Variants in CLASP1 observed in about 807,000 individuals in gnomAD.
CLASP1 encodes CLIP-associating protein 1.
In CLASP1, 38 loss-of-function variants were observed where a neutral mutation model predicts 192.3. That is an observed-to-expected ratio of 0.20 (90% CI 0.15 to 0.26). CLASP1 has a LOEUF of 0.26. CLASP1 is among the 10% of genes least tolerant of loss of function. CLASP1 has a pLI of 1.00. For synonymous variants in CLASP1, 691 were observed against 712.8 expected (o/e 0.97, Z 0.49); for missense variants, 1,433 against 1,932.5 (o/e 0.74, Z 4.85).
Position 121,435,336 on chromosome 2 carries a change from G to A in CLASP1, c.1913-5159C>T, listed in dbSNP as rs531061252. On this transcript the variant is annotated intron_variant, in intron 19 of 39. Coordinates refer to ENST00000263710, the Ensembl canonical transcript of CLASP1. ...GTTGCCCAGGCTGGAGTTCAATGGC[G>A]CAATCTGGGCTCACTGCAACCTCTG... 2.1e-3 allele frequency among the ~76,000 whole-genome samples: 318 copies of A among 152,094 alleles called. 1 individual carries two copies. The highest frequency in any genetic ancestry group is 7.2e-3 in the African/African-American group (298 of 41,488).
At chr2:121,621,780 G>A (rs1303140630) in intron 1 of CLASP1, among the ~76,000 whole-genome samples, 1 of 152,030 alleles carries the variant, frequency 6.6e-6, no homozygotes, top group Non-Finnish European at 1.5e-5. Context: ...TGGGTCCCTT[G>A]CATTTCTACA....
intron 37 of CLASP1, among the ~76,000 whole-genome samples, chr2:121,357,185 G>A (rs1192830016): frequency 1.3e-5 from 2 of 152,188 alleles, no homozygotes; most frequent in Non-Finnish European, 2.9e-5. Flanking sequence ...TGGTGTTTTA[G>A]AGTTTACTCA....
intron 2 of CLASP1, among the ~76,000 whole-genome samples, chr2:121,570,974 A>G (rs769834448): frequency 1.3e-5 from 2 of 151,948 alleles, no homozygotes; most frequent in African/African-American, 4.8e-5. Context: ...TTCCTGCCTT[A>G]CAGAACCATG....
intron 8 of CLASP1, among the ~76,000 whole-genome samples, chr2:121,500,424 A>G (rs1180836820): frequency 6.6e-6 from 1 of 151,622 alleles, no homozygotes; most frequent in Non-Finnish European, 1.5e-5. Context: ...AAAAAAAAGA[A>G]AAGAGAAAAG....
chr2:121,367,713 C>T (rs775228149), exon 35 of CLASP1: 213 of 1,613,854 alleles, frequency 1.3e-4, no homozygotes, highest in Non-Finnish European at 1.7e-4. Context: ...CGGGAAGGCG[C>T]GCGGAGGCTG....
At chr2:121,349,036 C>T (rs1020292545) in intron 37 of CLASP1, among the ~76,000 whole-genome samples, 4 of 151,992 alleles carry the variant, frequency 2.6e-5, no homozygotes, top group Admixed American at 2.0e-4. Context: ...GTCAGGAGAT[C>T]GAGACCATCC....
intron 24 of CLASP1, among the ~76,000 whole-genome samples, chr2:121,409,625 T>C (rs527876614): frequency 3.3e-5 from 5 of 152,326 alleles, no homozygotes; most frequent in Non-Finnish European, 5.9e-5. Flanking sequence ...GAAATTTCCC[T>C]GCCTTAAGTG....
intron 2 of CLASP1, among the ~76,000 whole-genome samples, chr2:121,588,699 CA>C (rs1437557854): frequency 1.3e-5 from 2 of 152,150 alleles, no homozygotes; most frequent in Non-Finnish European, 2.9e-5. Flanking sequence ...AGCTGTGATA[CA>C]AACCCTAACC....
chr2:121,589,108 AAC>A (rs1174600864), intron 2 of CLASP1, among the ~76,000 whole-genome samples: 1 of 152,166 alleles, frequency 6.6e-6, no homozygotes, highest in Non-Finnish European at 1.5e-5. Context: ...GGCAGACAGA[AAC>A]ACAGTTCTCG....
intron 32 of CLASP1, 97 bp from the exon 34 acceptor site, chr2:121,382,421 C>CT (rs1191546260): frequency 4.7e-5 from 33 of 706,356 alleles, no homozygotes; most frequent in Admixed American, 9.9e-5. Context: ...TTAGTCTCTT[C>CT]TTTCCTTGAC....
At chr2:121,453,349 C>G (rs1411478123) in intron 14 of CLASP1, among the ~76,000 whole-genome samples, 1 of 152,086 alleles carries the variant, frequency 6.6e-6, no homozygotes, top group Non-Finnish European at 1.5e-5. Flanking sequence ...ATGCTAGATG[C>G]TGGAGATCCA....
intron 2 of CLASP1, among the ~76,000 whole-genome samples, chr2:121,539,686 A>G (rs2095185168): frequency 6.7e-6 from 1 of 148,744 alleles, no homozygotes; most frequent in Non-Finnish European, 1.5e-5. Flanking sequence ...AGAAAGTGAA[A>G]GTCAAGTCAC....
At chr2:121,633,041 T>A (rs1002191593) in intron 1 of CLASP1, among the ~76,000 whole-genome samples, 4 of 147,466 alleles carry the variant, frequency 2.7e-5, no homozygotes, top group Non-Finnish European at 1.5e-5. Context: ...CTTTTTTTCA[T>A]GAATATAATT....
At chr2:121,391,111 C>A (rs2074267203) in intron 30 of CLASP1, among the ~76,000 whole-genome samples, 1 of 152,166 alleles carries the variant, frequency 6.6e-6, no homozygotes, top group African/African-American at 2.4e-5. Context: ...CACACATACA[C>A]ACGCTCATAT....
chr2:121,388,580 C>T (rs2073767140), intron 30 of CLASP1, among the ~76,000 whole-genome samples: 1 of 152,164 alleles, frequency 6.6e-6, no homozygotes, highest in Non-Finnish European at 1.5e-5. Flanking sequence ...GTAGGCAAAG[C>T]AATGAGCTGG....
intron 2 of CLASP1, among the ~76,000 whole-genome samples, chr2:121,555,988 C>CTTTTTTTTTTTTTTTTTTTTTTTTTTT (rs34423741): frequency 2.4e-5 from 1 of 42,372 alleles, no homozygotes; most frequent in Non-Finnish European, 4.0e-5. Flanking sequence ...CTACCCACCG[C>CTTTTTTTTTTTTTTTTTTTTTTTTTTT]TTTTTTTTTT....
intron 5 of CLASP1, among the ~76,000 whole-genome samples, chr2:121,526,242 G>GC (rs1305050136): frequency 1.3e-5 from 2 of 152,214 alleles, no homozygotes; most frequent in Non-Finnish European, 2.9e-5. Context: ...TGCTGCCTCT[G>GC]CATTACTGTC....
intron 2 of CLASP1, among the ~76,000 whole-genome samples, chr2:121,575,482 A>G (rs1369414600): frequency 3.9e-5 from 6 of 152,224 alleles, no homozygotes. Flanking sequence ...TAAAAGCATG[A>G]AAATGTATCA....
chr2:121,579,672 T>C (rs1024533004), intron 2 of CLASP1, among the ~76,000 whole-genome samples: 1 of 152,168 alleles, frequency 6.6e-6, no homozygotes, highest in Non-Finnish European at 1.5e-5. Flanking sequence ...TTGAGGAAGA[T>C]AAATAAGCAT....
Sources: allele counts gnomAD v4.1 joint callset (sites outside exome capture counted in the v4.1 genomes callset), GRCh38; gene constraint gnomAD v4.1.1; transcripts MANE v1.5; gene names NCBI Gene and HGNC (gene_info 2026-07-23, HGNC 2026-07-21).